Variants in SPECC1L observed in about 807,000 individuals in gnomAD.
SPECC1L encodes cytospin-A.
SPECC1L carries 40 observed loss-of-function variants against 116.8 expected under a neutral mutation model. That is an observed-to-expected ratio of 0.34 (90% CI 0.27 to 0.45). The LOEUF is 0.45. Among genes scored for constraint, SPECC1L ranks in the 20% least tolerant of loss-of-function variants. SPECC1L has a pLI of 1.00. For synonymous variants in SPECC1L, 504 were observed against 500.6 expected (o/e 1.01, Z -0.09); for missense variants, 1,110 against 1,373.6 (o/e 0.81, Z 3.03).
rs899558846 is a variant in SPECC1L at position 24,355,750 on chromosome 22, C to G, written c.2744-7511C>G. Reference sequence around the variant, plus strand: ...CACTTCAGTTGGTCTGTCATGGTTTCGTAATGCAGTCAGATTAATTTGTCA... The same window carrying G: ...CACTTCAGTTGGTCTGTCATGGTTTGGTAATGCAGTCAGATTAATTTGTCA... On this transcript the variant is annotated intron_variant, in intron 11 of 16. Transcript: ENST00000314328. Among the ~76,000 whole-genome samples the G allele has an allele frequency of 2.0e-5, 3 of 152,220 alleles. No individual in the cohort carries two copies. In the East Asian group the frequency reaches 5.8e-4, roughly 29 times the overall value.
chr22:24,294,135 T>C (rs537200436), intron 2 of SPECC1L, among the ~76,000 whole-genome samples: 1 of 77,690 alleles, frequency 1.3e-5, no homozygotes, highest in South Asian at 5.1e-4. Context: ...TCTAGCCAAG[T>C]CATTAGAGTT....
Position 24,415,056 on chromosome 22 carries a change from G to A in SPECC1L, c.*433G>A. ...TGACTATTGGCTGGGGTGGGTTCCG[G>A]TGCTGGTGAGAACCCAGAAGGAGAG... On this transcript the variant is annotated 3_prime_UTR_variant, in exon 17 of 17. Coordinates refer to ENST00000314328, the MANE Select transcript of SPECC1L (RefSeq NM_015330.6). The A allele has an allele frequency of 4.1e-6, 1 of 244,498 alleles. No homozygotes were observed. Among genetic ancestry groups the A allele is most frequent in the Non-Finnish European group, 8.2e-6 (1 of 121,346 alleles). 15.1% of individuals were successfully genotyped at this position (244,498 alleles called of 1,614,324 possible). A position where few individuals can be genotyped will look rare whatever the true frequency, so the allele number is the denominator to read the frequency against.
rs200390255 is a variant in SPECC1L at position 24,322,222 on chromosome 22, C to T, written c.1242C>T (p.Leu414=). The part of the protein sequence containing the change: ...EENQHSTSEE[L]QATLQELADL... ...ACCAACACAGTACAAGTGAGGAACTCCAGGCAACCCTGCAAGAGCTAGCTG... is the reference window on the plus strand; with the variant it reads ...ACCAACACAGTACAAGTGAGGAACTTCAGGCAACCCTGCAAGAGCTAGCTG... The change falls in exon 5 of 17, where the codon CTC becomes CTT. Residue 414 remains leucine, a synonymous_variant. Coordinates refer to ENST00000314328, the MANE Select transcript of SPECC1L (RefSeq NM_015330.6). 2.2e-5 allele frequency: 36 copies of T among 1,614,024 alleles called. No individual in the cohort carries two copies. Among genetic ancestry groups the T allele is most frequent in the Non-Finnish European group, 1.7e-6 (2 of 1,180,050 alleles).
intron 14 of SPECC1L, among the ~76,000 whole-genome samples, chr22:24,400,402 G>A (rs189874595): frequency 6.6e-6 from 1 of 152,278 alleles, no homozygotes; most frequent in Admixed American, 6.5e-5. Context: ...TTCGTACTTT[G>A]TTCCTTTTCA....
chr22:24,284,390 T>G (rs913693352), intron 2 of SPECC1L, among the ~76,000 whole-genome samples: 1 of 152,136 alleles, frequency 6.6e-6, no homozygotes, highest in Admixed American at 6.5e-5. Context: ...TCCAGAGATA[T>G]TCCATTATTT....
At chr22:24,361,838 GAGAA>G (rs747944700) in intron 11 of SPECC1L, among the ~76,000 whole-genome samples, 8 of 150,894 alleles carry the variant, frequency 5.3e-5, no homozygotes, top group South Asian at 4.2e-4. Context: ...ACGAGAGAGA[GAGAA>G]AGAAGAAGAA....
At chr22:24,347,913 T>A (rs528292721) in intron 11 of SPECC1L, among the ~76,000 whole-genome samples, 2 of 152,278 alleles carry the variant, frequency 1.3e-5, no homozygotes, top group South Asian at 4.1e-4. Context: ...TGACCTCAGG[T>A]GATCTGCCCA....
chr22:24,370,353 A>T (rs2041848530), intron 14 of SPECC1L, among the ~76,000 whole-genome samples: 1 of 152,016 alleles, frequency 6.6e-6, no homozygotes, highest in East Asian at 1.9e-4. Context: ...GTGGCAAGTA[A>T]AAAAGAGAAG....
chr22:24,282,652 G>A lies in SPECC1L; in HGVS notation c.-38+5849G>A, dbSNP rs1254886789. On this transcript the variant is annotated intron_variant, in intron 2 of 16. Coordinates refer to ENST00000314328, the MANE Select transcript of SPECC1L (RefSeq NM_015330.6). ...GGTTTAGTAGGTTATCCTCTGTGTG[G>A]AGTTTTGTATTTTTTTAATAAGGAA... 7.2e-5 allele frequency among the ~76,000 whole-genome samples: 11 copies of A among 152,192 alleles called. No homozygotes were observed. The East Asian group carries it at 2.1e-3, about 29-fold the overall frequency.
Position 24,399,200 on chromosome 22 carries a change from C to T in SPECC1L, c.3088-12388C>T, listed in dbSNP as rs1301350857. ...GGAGGGGTTTATGGGGACATTAATCCCTAGCTCTTAGGGTGACATTGGCTG... is the reference window on the plus strand; with the variant it reads ...GGAGGGGTTTATGGGGACATTAATCTCTAGCTCTTAGGGTGACATTGGCTG... On this transcript the variant is annotated intron_variant, in intron 14 of 16. Transcript: ENST00000314328. 2.6e-5 allele frequency among the ~76,000 whole-genome samples: 4 copies of T among 152,226 alleles called. No homozygotes were observed. In the East Asian group the frequency reaches 7.7e-4, roughly 29 times the overall value.
intron 4 of SPECC1L, among the ~76,000 whole-genome samples, chr22:24,315,920 A>C (rs574983681): frequency 6.6e-6 from 1 of 152,194 alleles, no homozygotes; most frequent in Admixed American, 6.5e-5. Flanking sequence ...TCCTCCTCTT[A>C]CAAGAACGCC....
At chr22:24,342,037 G>C (rs1335877480) in intron 10 of SPECC1L, among the ~76,000 whole-genome samples, 3 of 152,216 alleles carry the variant, frequency 2.0e-5, no homozygotes, top group African/African-American at 7.2e-5. Flanking sequence ...GAAACTATGA[G>C]ATCATAAATG....
At chr22:24,330,734 G>C (rs989728236) in intron 8 of SPECC1L, among the ~76,000 whole-genome samples, 1 of 152,108 alleles carries the variant, frequency 6.6e-6, no homozygotes, top group Non-Finnish European at 1.5e-5. Context: ...TCTTTAGATT[G>C]TAGCCTCATG....
intron 2 of SPECC1L, among the ~76,000 whole-genome samples, chr22:24,277,420 C>T (rs894473161): frequency 6.6e-6 from 1 of 152,146 alleles, no homozygotes; most frequent in African/African-American, 2.4e-5. Flanking sequence ...TTAAAGTGTA[C>T]CTTTCATGTG....
At chr22:24,299,950 C>T (rs1381456276) in intron 2 of SPECC1L, among the ~76,000 whole-genome samples, 1 of 152,142 alleles carries the variant, frequency 6.6e-6, no homozygotes, top group Non-Finnish European at 1.5e-5. Flanking sequence ...TTTGTTTCTG[C>T]TAGATAATTT....
intron 2 of SPECC1L, among the ~76,000 whole-genome samples, chr22:24,284,513 C>A (rs2049005396): frequency 6.6e-6 from 1 of 152,100 alleles, no homozygotes. Flanking sequence ...CGGCTCACTG[C>A]AAGCTCTGCC....
At chr22:24,410,127 T>TTC (rs2042665915) in intron 14 of SPECC1L, among the ~76,000 whole-genome samples, 1 of 152,276 alleles carries the variant, frequency 6.6e-6, no homozygotes, top group South Asian at 2.1e-4. Flanking sequence ...TGATGACACC[T>TTC]TCAAGTTACA....
At chr22:24,371,882 C>T (rs932770794) in intron 14 of SPECC1L, among the ~76,000 whole-genome samples, 4 of 152,164 alleles carry the variant, frequency 2.6e-5, no homozygotes, top group African/African-American at 9.7e-5. Context: ...CTATCATGCC[C>T]AGCTAATTTT....
At chr22:24,325,696 G>C (rs2040807260) in intron 6 of SPECC1L, among the ~76,000 whole-genome samples, 1 of 152,028 alleles carries the variant, frequency 6.6e-6, no homozygotes, top group Non-Finnish European at 1.5e-5. Context: ...GAGAAAAAGA[G>C]CAAAGGAATG....
Sources: gnomAD v4.1 joint callset for allele counts (sites outside exome capture counted in the v4.1 genomes callset) on GRCh38, gnomAD v4.1.1 for gene constraint, MANE v1.5 for transcripts, NCBI Gene and HGNC (gene_info 2026-07-23, HGNC 2026-07-21) for gene names.